The following RUNX1T1 variants were observed in gnomAD, a reference collection of about 807,000 sequenced individuals.
RUNX1T1 encodes protein CBFA2T1.
RUNX1T1 carries 4 observed loss-of-function variants against 62.8 expected under a neutral mutation model. That is an observed-to-expected ratio of 0.06 (90% CI 0.03 to 0.15). The LOEUF is 0.15. RUNX1T1 is among the 10% of genes least tolerant of loss of function. RUNX1T1 has a pLI of 1.00. For missense variants in RUNX1T1, 508 were observed against 754.3 expected (o/e 0.67, Z 3.82); for synonymous variants, 291 against 286.0 (o/e 1.02, Z -0.18).
chr8:92,086,891 G>A (rs1224608349), intron 1 of RUNX1T1, among the ~76,000 whole-genome samples: 1 of 152,110 alleles, frequency 6.6e-6, no homozygotes, highest in Admixed American at 6.5e-5. Context: ...AACCTAAACT[G>A]CAGCAACAAG....
At chr8:92,074,245 T>C (rs1315251151) in intron 2 of RUNX1T1, among the ~76,000 whole-genome samples, 1 of 152,210 alleles carries the variant, frequency 6.6e-6, no homozygotes, top group African/African-American at 2.4e-5. Flanking sequence ...TATTAAGATA[T>C]GTGTTCTTGT....
chr8:92,100,471 C>T (rs1837984675), upstream of RUNX1T1, among the ~76,000 whole-genome samples: 2 of 152,120 alleles, frequency 1.3e-5, no homozygotes. Context: ...TTAAAAAAGT[C>T]CGTTTTTATG....
intron 1 of RUNX1T1, among the ~76,000 whole-genome samples, chr8:92,032,870 A>G (rs775392468): frequency 1.3e-5 from 2 of 152,228 alleles, no homozygotes; most frequent in Non-Finnish European, 2.9e-5. Context: ...GAAAATGTAC[A>G]AAATAAATAT....
chr8:92,009,247 G>A (rs758081234), intron 4 of RUNX1T1, among the ~76,000 whole-genome samples: 4 of 152,190 alleles, frequency 2.6e-5, no homozygotes, highest in Non-Finnish European at 4.4e-5. Context: ...TATCCTTCCA[G>A]TAAATGTTTC....
At chr8:92,040,339 G>A (rs1251969042) in intron 1 of RUNX1T1, among the ~76,000 whole-genome samples, 1 of 152,084 alleles carries the variant, frequency 6.6e-6, no homozygotes, top group Non-Finnish European at 1.5e-5. Flanking sequence ...TTGCAGGTGT[G>A]TGTCCCGTGT....
upstream of RUNX1T1, among the ~76,000 whole-genome samples, chr8:92,101,987 C>T (rs960325550): frequency 6.6e-6 from 1 of 152,228 alleles, no homozygotes; most frequent in Non-Finnish European, 1.5e-5. Flanking sequence ...ATTATCCGGA[C>T]GTGGCTCCAA....
At chr8:91,957,010 C>T, downstream of RUNX1T1, 1 of 215,550 alleles carries the variant, frequency 4.6e-6, no homozygotes, top group East Asian at 6.8e-5. Flanking sequence ...AGACAGGTGG[C>T]CCTGTCACAC....
intron 2 of RUNX1T1, 31 bp downstream of exon 3, chr8:92,017,195 T>G (rs1587026114): frequency 1.4e-6 from 2 of 1,439,958 alleles, no homozygotes; most frequent in Non-Finnish European, 1.9e-6. Flanking sequence ...ACTTTAAAAC[T>G]GAAACTCAAA....
intron 1 of RUNX1T1, among the ~76,000 whole-genome samples, chr8:92,018,549 T>C (rs535310724): frequency 6.6e-6 from 1 of 152,344 alleles, no homozygotes; most frequent in African/African-American, 2.4e-5. Flanking sequence ...CTTGGGCTTT[T>C]AGAAAAGTGA....
intron 1 of RUNX1T1, among the ~76,000 whole-genome samples, chr8:92,031,285 G>A (rs1826170605): frequency 6.6e-6 from 1 of 152,062 alleles, no homozygotes; most frequent in Non-Finnish European, 1.5e-5. Flanking sequence ...AGTTAACATA[G>A]TCGGGTGTCC....
chr8:91,983,594 C>T lies in RUNX1T1; in HGVS notation c.1198+2530G>A, dbSNP rs956485234. 5.9e-5 allele frequency among the ~76,000 whole-genome samples: 9 copies of T among 152,112 alleles called. No individual in the cohort carries two copies. The South Asian group carries it at 6.2e-4, about 11-fold the overall frequency. ...AAGAAATACATACAACTGTGGGATA[C>T]GGAGATCTAAATGTATATAAAGATA... On this transcript the variant is annotated intron_variant, in intron 8 of 10. Coordinates refer to ENST00000396218, the Ensembl canonical transcript of RUNX1T1.
chr8:91,966,599 T>C (rs1214612161), intron 10 of RUNX1T1, among the ~76,000 whole-genome samples: 1 of 152,092 alleles, frequency 6.6e-6, no homozygotes, highest in African/African-American at 2.4e-5. Context: ...GAGCATTCAT[T>C]GGAAAAAGCT....
chr8:91,977,359 A>G (rs1322461953), intron 8 of RUNX1T1: 3 of 193,732 alleles, frequency 1.5e-5, no homozygotes. Flanking sequence ...TGGACTGGAA[A>G]TATCTATGCA....
chr8:92,038,405 T>C (rs1827817912), intron 1 of RUNX1T1, among the ~76,000 whole-genome samples: 1 of 151,690 alleles, frequency 6.6e-6, no homozygotes, highest in African/African-American at 2.4e-5. Context: ...ATAAACCCAG[T>C]AAGAAAAGAA....
At chr8:92,081,471 A>T (rs1246990750) in intron 1 of RUNX1T1, among the ~76,000 whole-genome samples, 5 of 152,016 alleles carry the variant, frequency 3.3e-5, no homozygotes, top group African/African-American at 1.2e-4. Context: ...AATATGTGGA[A>T]TTAAGCTGCA....
At chr8:92,089,309 G>A (rs932971099) in intron 1 of RUNX1T1, among the ~76,000 whole-genome samples, 14 of 152,116 alleles carry the variant, frequency 9.2e-5, no homozygotes, top group African/African-American at 3.1e-4. Flanking sequence ...AAAATCAATA[G>A]GTAATAATTG....
chr8:91,986,338 G>C lies in RUNX1T1; in HGVS notation c.997-13C>G. ...TGCAGTTTAACAGCTATTTGGGAAAGGGGAGAATAGGGAAGAGCATATAAA... is the reference window on the plus strand; with the variant it reads ...TGCAGTTTAACAGCTATTTGGGAAACGGGAGAATAGGGAAGAGCATATAAA... On this transcript the variant is annotated splice_polypyrimidine_tract_variant and intron_variant, in intron 7 of 10. Transcript: ENST00000396218. The C allele has an allele frequency of 6.3e-7, 1 of 1,576,198 alleles. No individual in the cohort carries two copies. Among genetic ancestry groups the C allele is most frequent in the Non-Finnish European group, 8.7e-7 (1 of 1,145,818 alleles).
intron 5 of RUNX1T1, chr8:92,003,329 G>A: frequency 2.2e-6 from 1 of 456,176 alleles, no homozygotes; most frequent in Non-Finnish European, 4.4e-6. Flanking sequence ...ATAGTCAAAA[G>A]TCACAATACA....
intron 8 of RUNX1T1, among the ~76,000 whole-genome samples, chr8:91,985,226 C>T (rs1358000007): frequency 2.0e-5 from 3 of 152,088 alleles, no homozygotes; most frequent in Non-Finnish European, 4.4e-5. Context: ...AATCCACCTT[C>T]GTAAGTTTAC....
Sources: allele counts gnomAD v4.1 joint callset (sites outside exome capture counted in the v4.1 genomes callset), GRCh38; gene constraint gnomAD v4.1.1; transcripts MANE v1.5; gene names NCBI Gene and HGNC (gene_info 2026-07-23, HGNC 2026-07-21).